Variants in TMEM182 observed in about 807,000 individuals in gnomAD.
TMEM182 encodes the protein transmembrane protein 182.
TMEM182 carries 20 observed loss-of-function variants against 26.8 expected under a neutral mutation model. That is an observed-to-expected ratio of 0.75 (90% CI 0.53 to 1.09). TMEM182 has a LOEUF of 1.09. TMEM182 is among the 50% of genes least tolerant of loss of function. The probability of loss-of-function intolerance (pLI) is 0.00; values close to 1 mark genes in which losing one functional copy is unlikely to be tolerated. For synonymous variants in TMEM182, 109 were observed against 102.2 expected (o/e 1.07, Z -0.40); for missense variants, 277 against 275.5 (o/e 1.01, Z -0.04).
At position 102,764,396 on chromosome 2, in the gene TMEM182, G is replaced by A; in HGVS notation, c.300G>A (p.Glu100=). 1.2e-6 allele frequency: 2 copies of A among 1,613,808 alleles called. No homozygotes were observed. Among genetic ancestry groups the A allele is most frequent in the South Asian group, 2.2e-5 (2 of 91,074 alleles). ...CTCCGTACCCCTTCATGAGAGGCGA[G>A]CACAACTCGACCTCCTATGACTCTG... ...YLSPYPFMRG[E]HNSTSYDSAV... Residue 100 remains glutamate, a synonymous_variant, in exon 3 of 5, where the codon GAG becomes GAA. Transcript: ENST00000412401.
chr2:102,806,235 G>A (rs995429703), intron 4 of TMEM182, among the ~76,000 whole-genome samples: 3 of 151,836 alleles, frequency 2.0e-5, no homozygotes, highest in African/African-American at 7.3e-5. Context: ...GGAAAGAGAA[G>A]CCTAATGTGC....
rs749834379 is a variant in TMEM182, at chr2:102,815,010, C to G, written c.*42C>G. The stretch of plus-strand genomic sequence containing the variant: ...AGTATTTTCTTGAGAGATTTTAAAA[C>G]AAGGAATACTTTTTTTCCATTTTGT... On this transcript the variant is annotated 3_prime_UTR_variant, in exon 5 of 5. Coordinates refer to ENST00000412401, the MANE Select transcript of TMEM182 (RefSeq NM_144632.5). 4 of 1,604,308 alleles carry G rather than the reference C, an allele frequency of 2.5e-6. No individual in the cohort carries two copies. The highest frequency in any genetic ancestry group is 3.4e-6 in the Non-Finnish European group (4 of 1,175,268).
chr2:102,815,247 G>T lies in TMEM182; in HGVS notation c.*279G>T. The T allele has an allele frequency of 8.5e-7, 1 of 1,173,292 alleles. No homozygotes were observed. Among genetic ancestry groups the T allele is most frequent in the South Asian group, 2.4e-5 (1 of 40,868 alleles). The allele number at this position is 1,173,292 out of a possible 1,614,324, so 72.7% of individuals were successfully genotyped here. ...ATTGAACATGTTAGAGTTCATGCAG[G>T]TCGCAAAGGCCTGATAATAGCTTAA... On this transcript the variant is annotated 3_prime_UTR_variant, in exon 5 of 5. Transcript: ENST00000412401.
At chr2:102,787,250 A>T (rs1368069239) in intron 3 of TMEM182, among the ~76,000 whole-genome samples, 3 of 152,210 alleles carry the variant, frequency 2.0e-5, no homozygotes, top group African/African-American at 4.8e-5. Flanking sequence ...TAAACAAGAC[A>T]TTTATTTCTC....
chr2:102,837,120 A>T (rs1683259818), intron 3 of TMEM182, among the ~76,000 whole-genome samples: 1 of 152,182 alleles, frequency 6.6e-6, no homozygotes, highest in Non-Finnish European at 1.5e-5. Flanking sequence ...CAGTTCTCTG[A>T]TACCCTGTGG....
chr2:102,773,175 AT>A (rs768756457), intron 3 of TMEM182, among the ~76,000 whole-genome samples: 34 of 152,040 alleles, frequency 2.2e-4, no homozygotes, highest in Non-Finnish European at 4.1e-4. Context: ...CCAGACACTT[AT>A]TTTAGGTTCT....
chr2:102,823,924 T>C (rs554452293), intron 3 of TMEM182, among the ~76,000 whole-genome samples: 200 of 152,326 alleles, frequency 1.3e-3, no homozygotes, highest in African/African-American at 4.7e-3. Context: ...CACTAGAACA[T>C]TGGACTTGTT....
intron 3 of TMEM182, chr2:102,843,334 G>C (rs1187924535): frequency 6.6e-6 from 1 of 152,160 alleles, no homozygotes; most frequent in Non-Finnish European, 1.5e-5. Context: ...CCTAATCCAT[G>C]TTATTCTCCA....
intron 3 of TMEM182, among the ~76,000 whole-genome samples, chr2:102,786,701 C>G (rs1399806333): frequency 3.3e-5 from 5 of 152,158 alleles, no homozygotes; most frequent in African/African-American, 1.2e-4. Flanking sequence ...TGTTCCCTGG[C>G]CATTGAATAT....
intron 1 of TMEM182, among the ~76,000 whole-genome samples, chr2:102,741,599 A>C (rs899834592): frequency 1.3e-5 from 2 of 152,152 alleles, no homozygotes; most frequent in Non-Finnish European, 2.9e-5. Context: ...ATGAAGGAAG[A>C]AAAAAAGCTA....
intron 1 of TMEM182, among the ~76,000 whole-genome samples, chr2:102,742,227 G>A (rs1043870708): frequency 2.6e-5 from 4 of 152,136 alleles, no homozygotes; most frequent in Admixed American, 6.5e-5. Context: ...CAAGAACACT[G>A]TAACAGAAAT....
At chr2:102,817,952 G>A (rs191328544), downstream of TMEM182, among the ~76,000 whole-genome samples, 2 of 152,246 alleles carry the variant, frequency 1.3e-5, no homozygotes, top group Non-Finnish European at 2.9e-5. Context: ...AGTTCAACAC[G>A]TAATTTGATT....
chr2:102,829,119 GAGA>G (rs1333134401), intron 3 of TMEM182, among the ~76,000 whole-genome samples: 1 of 152,212 alleles, frequency 6.6e-6, no homozygotes, highest in Non-Finnish European at 1.5e-5. Flanking sequence ...TTCTCCGCAT[GAGA>G]AGTTTAAGTG....
At chr2:102,838,831 C>T (rs2104781716) in intron 3 of TMEM182, among the ~76,000 whole-genome samples, 1 of 152,248 alleles carries the variant, frequency 6.6e-6, no homozygotes, top group South Asian at 2.1e-4. Context: ...CTCAACCAAG[C>T]CATTGGCAGA....
chr2:102,767,260 A>G (rs1164630203), intron 3 of TMEM182, among the ~76,000 whole-genome samples: 2 of 152,230 alleles, frequency 1.3e-5, no homozygotes, highest in African/African-American at 4.8e-5. Context: ...TCTCAAATAC[A>G]TATTCTGAAA....
At chr2:102,793,226 C>T (rs7604365) in intron 3 of TMEM182, among the ~76,000 whole-genome samples, 31,331 of 152,058 alleles carry the variant, frequency 0.21, 3,435 homozygotes, top group African/African-American at 0.28. Flanking sequence ...CAGAGGTCAC[C>T]GTGCATTGGC....
intron 1 of TMEM182, among the ~76,000 whole-genome samples, chr2:102,743,079 A>G (rs1262755168): frequency 1.3e-5 from 2 of 152,320 alleles, no homozygotes; most frequent in South Asian, 2.1e-4. Context: ...TAATAATGTA[A>G]CAGTGTACCA....
At chr2:102,759,814 T>C (rs974708279), upstream of TMEM182, among the ~76,000 whole-genome samples, 32 of 152,182 alleles carry the variant, frequency 2.1e-4, no homozygotes, top group African/African-American at 6.8e-4. Flanking sequence ...AGATGCACTC[T>C]ATATTCCTTG....
At chr2:102,779,346 A>G (rs1240086394) in intron 3 of TMEM182, among the ~76,000 whole-genome samples, 2 of 152,114 alleles carry the variant, frequency 1.3e-5, no homozygotes, top group Non-Finnish European at 2.9e-5. Context: ...TAGCTCCTCA[A>G]TACTTTAGAT....
Sources: allele counts gnomAD v4.1 joint callset (sites outside exome capture counted in the v4.1 genomes callset), GRCh38; gene constraint gnomAD v4.1.1; transcripts MANE v1.5; gene names NCBI Gene and HGNC (gene_info 2026-07-23, HGNC 2026-07-21).